The following HABP4 variants were observed in gnomAD, a reference collection of about 807,000 sequenced individuals.
The protein encoded by HABP4 is hyaluronan binding protein 4.
Under a neutral mutation model 44.1 loss-of-function variants are expected in HABP4, and 32 were observed. That is an observed-to-expected ratio of 0.73 (90% CI 0.55 to 0.97). HABP4 has a LOEUF of 0.97. Ranked by LOEUF, HABP4 falls within the 50% of genes least tolerant of loss-of-function variation. HABP4 has a pLI of 0.00. For missense variants in HABP4, 503 were observed against 561.9 expected, an observed-to-expected ratio of 0.90 and a Z score of 1.06; for synonymous variants, 216 against 218.0, an observed-to-expected ratio of 0.99 and a Z score of 0.08.
In HABP4 at chr9:96,489,982, A is replaced by T; in HGVS notation, c.1186A>T (p.Met396Leu). 2 of 1,573,854 alleles carry T rather than the reference A, an allele frequency of 1.3e-6. No individual in the cohort carries two copies. The highest frequency in any genetic ancestry group is 2.2e-5 in the East Asian group (1 of 44,624). The stretch of plus-strand genomic sequence containing the variant: ...TCAAAGTATTTCTTTTTTTCTTTAG[A>T]TGCAAGATGTTGCCCCCAACCCAGA... The part of the protein sequence containing the change: ...ENYGPRAEVV[M>L]QDVAPNPDDP... Residue 396 changes from methionine to leucine, a missense_variant and splice_region_variant, in exon 8 of 8, where the codon ATG becomes TTG. Transcript: ENST00000375249.
At position 96,475,833 on chromosome 9, in the gene HABP4, CAATA is replaced by C. The variant is rs575773790; in HGVS notation, c.827+4743_827+4746del. Reference sequence around the variant, plus strand: ...AGCAAACAGTAATACAAACTATCTGCAATAAATTATTTTTATTGTAATCGGTTTC... The same window carrying C: ...AGCAAACAGTAATACAAACTATCTGCAATTATTTTTATTGTAATCGGTTTC... On this transcript the variant is annotated intron_variant, in intron 5 of 7. Transcript: ENST00000375249. 3.9e-3 allele frequency among the ~76,000 whole-genome samples: 596 copies of C among 152,298 alleles called. 13 individuals are homozygous for C. The highest frequency in any genetic ancestry group is 1.2e-3 in the East Asian group (6 of 5,194).
chr9:96,455,715 G>A (rs1244396036), intron 1 of HABP4, among the ~76,000 whole-genome samples: 4 of 151,352 alleles, frequency 2.6e-5, no homozygotes, highest in Non-Finnish European at 5.9e-5. Flanking sequence ...GCAGTGAGCC[G>A]AGATGGTGCC....
intron 5 of HABP4, among the ~76,000 whole-genome samples, chr9:96,477,544 A>C (rs1359828775): frequency 1.3e-5 from 2 of 152,126 alleles, no homozygotes; most frequent in Non-Finnish European, 1.5e-5. Flanking sequence ...TACTCCATTA[A>C]ATTTTTTTTA....
At chr9:96,458,881 C>T (rs531222619) in intron 2 of HABP4, among the ~76,000 whole-genome samples, 22 of 152,236 alleles carry the variant, frequency 1.4e-4, no homozygotes, top group African/African-American at 5.1e-4. Context: ...CTTGGCCTGC[C>T]AAAAGTGCTG....
intron 1 of HABP4, chr9:96,451,404 C>T: frequency 3.4e-6 from 3 of 877,962 alleles, no homozygotes; most frequent in Non-Finnish European, 4.1e-6. Flanking sequence ...AGTTCATTCT[C>T]TCACCGAACT....
At chr9:96,463,819 A>G (rs756748996) in intron 2 of HABP4, among the ~76,000 whole-genome samples, 13 of 152,196 alleles carry the variant, frequency 8.5e-5, no homozygotes, top group Non-Finnish European at 1.2e-4. Flanking sequence ...ACTTTTAGCC[A>G]TAAAAGTAGA....
chr9:96,474,727 G>T (rs1454604222), intron 5 of HABP4, among the ~76,000 whole-genome samples: 4 of 152,082 alleles, frequency 2.6e-5, no homozygotes, highest in Non-Finnish European at 4.4e-5. Flanking sequence ...AGTTGGGCTG[G>T]TATCCGAGAA....
chr9:96,456,932 T>G (rs1454252815), intron 1 of HABP4, among the ~76,000 whole-genome samples: 2 of 150,512 alleles, frequency 1.3e-5, no homozygotes, highest in African/African-American at 4.9e-5. Context: ...GAGGAGATCT[T>G]TTAAATGTAT....
At chr9:96,456,681 A>G (rs542700601) in intron 1 of HABP4, among the ~76,000 whole-genome samples, 9 of 144,376 alleles carry the variant, frequency 6.2e-5, no homozygotes, top group African/African-American at 2.3e-4. Flanking sequence ...AATGGCGTGA[A>G]CCCGGGAGGC....
rs770673645 is a variant in HABP4 at position 96,488,843 on chromosome 9, C to T, written c.1185+569C>T. On this transcript the variant is annotated intron_variant, in intron 7 of 7. Transcript: ENST00000375249. This position sits in a 1 kb window ranked among gnomAD's most constrained non-coding sequence, Gnocchi z 4.6. Reference sequence around the variant, plus strand: ...GTTTCTTTGATCACATCTCCTAGACCGATCAAGGTCTCGGAGCAAAGGAGT... The same window carrying T: ...GTTTCTTTGATCACATCTCCTAGACTGATCAAGGTCTCGGAGCAAAGGAGT... 3.3e-5 allele frequency among the ~76,000 whole-genome samples: 5 copies of T among 152,186 alleles called. No homozygotes were observed. The highest frequency in any genetic ancestry group is 7.3e-5 in the Non-Finnish European group (5 of 68,044).
chr9:96,454,709 A>G (rs1418966299), intron 1 of HABP4, among the ~76,000 whole-genome samples: 1 of 152,010 alleles, frequency 6.6e-6, no homozygotes, highest in Non-Finnish European at 1.5e-5. Context: ...TGGACTCCCA[A>G]AGTGCTGGGA....
intron 4 of HABP4, among the ~76,000 whole-genome samples, chr9:96,468,403 G>A (rs146294489): frequency 4.6e-5 from 7 of 152,174 alleles, no homozygotes; most frequent in East Asian, 3.9e-4. Flanking sequence ...GACTACAGGC[G>A]CATGCAACCA....
In HABP4 at chr9:96,480,530, A is replaced by G. The variant is rs551965551; in HGVS notation, c.828-3932A>G. Among the ~76,000 whole-genome samples, 4 of 152,340 alleles carry G rather than the reference A, an allele frequency of 2.6e-5. No homozygotes were observed. In the East Asian group the frequency reaches 7.7e-4, roughly 29 times the overall value. ...AACACAGCAAAGTTTAAAGAATTTTATAGCGAACATCTATACTTACCACTA... is the reference window on the plus strand; with the variant it reads ...AACACAGCAAAGTTTAAAGAATTTTGTAGCGAACATCTATACTTACCACTA... On this transcript the variant is annotated intron_variant, in intron 5 of 7. Coordinates refer to ENST00000375249, the MANE Select transcript of HABP4 (RefSeq NM_014282.4).
Position 96,484,498 on chromosome 9 carries a change from T to TG in HABP4, c.864_865insG (p.Gln289AlafsTer7). ...TGGAGGTAGAAGAAGAAACCCAAGTTCAAGAGATGACTTTAGATGAGTGGA... is the reference window on the plus strand; with the variant it reads ...TGGAGGTAGAAGAAGAAACCCAAGTTGCAAGAGATGACTTTAGATGAGTGGA... On this transcript the variant is annotated frameshift_variant, in exon 6 of 8. Coordinates refer to ENST00000375249, the MANE Select transcript of HABP4 (RefSeq NM_014282.4). LOFTEE classifies it high-confidence loss of function. 6.4e-7 allele frequency: 1 copy of TG among 1,574,102 alleles called. No individual in the cohort carries two copies. Among genetic ancestry groups the TG allele is most frequent in the East Asian group, 2.2e-5 (1 of 44,676 alleles).
chr9:96,472,948 C>T (rs1832721827), intron 5 of HABP4, among the ~76,000 whole-genome samples: 1 of 152,220 alleles, frequency 6.6e-6, no homozygotes, highest in African/African-American at 2.4e-5. Flanking sequence ...TAAACGTGCT[C>T]TCCTGTTGGT....
rs200508465 is a variant in HABP4, at chr9:96,488,039, T to C, written c.1000-50T>C. On this transcript the variant is annotated intron_variant, in intron 6 of 7. Transcript: ENST00000375249. This position sits in a 1 kb window ranked among gnomAD's most constrained non-coding sequence, Gnocchi z 4.6. ...CTGCAGCCACTAAGCCAGATGAGTG[T>C]GGGGATGGCTGTGGACTTGTGCGTG... The C allele has an allele frequency of 3.2e-4, 421 of 1,297,118 alleles. 4 individuals carry two copies. The East Asian group carries it at 9.6e-3, about 30-fold the overall frequency. The allele number at this position is 1,297,118 out of a possible 1,614,324, so 80.4% of individuals were successfully genotyped here. A position where few individuals can be genotyped will look rare whatever the true frequency, so the allele number is the denominator to read the frequency against.
At chr9:96,473,805 T>A (rs1832733745) in intron 5 of HABP4, among the ~76,000 whole-genome samples, 1 of 152,202 alleles carries the variant, frequency 6.6e-6, no homozygotes, top group Non-Finnish European at 1.5e-5. Flanking sequence ...CCCCCTTTAC[T>A]CTTCGCCTAT....
rs1218203273 is a variant in HABP4, at chr9:96,488,193, G to T, written c.1104G>T (p.Gly368=). ...ATTTTGGTAACCTCCCTCGTCCTGG[G>T]CGTGGAGCCAGAGGAGGCACCCGGG... is the stretch of plus-strand genomic sequence containing the variant. ...EINFGNLPRP[G]RGARGGTRGG... The change falls in exon 7 of 8, where the codon GGG becomes GGT. Residue 368 remains glycine (G), a synonymous_variant. Coordinates refer to ENST00000375249, the MANE Select transcript of HABP4 (RefSeq NM_014282.4). This position sits in a 1 kb window ranked among gnomAD's most constrained non-coding sequence, Gnocchi z 4.6. The T allele has an allele frequency of 6.2e-7, 1 of 1,613,426 alleles. No homozygotes were observed. Among genetic ancestry groups the T allele is most frequent in the Non-Finnish European group, 8.5e-7 (1 of 1,179,346 alleles).
intron 1 of HABP4, among the ~76,000 whole-genome samples, chr9:96,457,724 T>C (rs1832418928): frequency 6.6e-6 from 1 of 151,872 alleles, no homozygotes; most frequent in African/African-American, 2.4e-5. Flanking sequence ...AAAAATTAGC[T>C]GGGCATGGTG....
Sources: allele counts gnomAD v4.1 joint callset (sites outside exome capture counted in the v4.1 genomes callset), GRCh38; gene constraint gnomAD v4.1.1; non-coding constraint Gnocchi (gnomAD v3.1); transcripts MANE v1.5; gene names NCBI Gene and HGNC (gene_info 2026-07-23, HGNC 2026-07-21).